Variants in GRIK1 observed in about 807,000 individuals in gnomAD.
GRIK1 encodes glutamate ionotropic receptor kainate type subunit 1, also known as glutamate receptor ionotropic, kainate 1.
Under a neutral mutation model 105.7 loss-of-function variants are expected in GRIK1, and 69 were observed. The ratio of observed to expected loss-of-function variants is 0.65; its 90% confidence interval spans 0.54 to 0.80. The LOEUF is 0.80. Ranked by LOEUF, GRIK1 falls within the 30% of genes least tolerant of loss-of-function variation. The probability of loss-of-function intolerance (pLI) is 0.00; values close to 1 mark genes in which losing one functional copy is unlikely to be tolerated. For missense variants in GRIK1, 1,109 were observed against 1,167.3 expected, an observed-to-expected ratio of 0.95 and a Z score of 0.73; for synonymous variants, 438 against 431.3, an observed-to-expected ratio of 1.02 and a Z score of -0.19.
chr21:29,824,246 T>C (rs990449016), intron 1 of GRIK1, among the ~76,000 whole-genome samples: 2 of 152,074 alleles, frequency 1.3e-5, no homozygotes, highest in Admixed American at 6.6e-5. Context: ...TATATACTTT[T>C]ATTCCAAAGT....
intron 1 of GRIK1, among the ~76,000 whole-genome samples, 164 bp downstream of exon 1, chr21:29,939,219 C>T (rs2071883311): frequency 6.6e-6 from 1 of 152,198 alleles, no homozygotes. Flanking sequence ...GAAGCAGTGA[C>T]GCGGCTCCCC....
chr21:29,729,177 G>A (rs1057423581), intron 1 of GRIK1, among the ~76,000 whole-genome samples: 1 of 152,188 alleles, frequency 6.6e-6, no homozygotes, highest in African/African-American at 2.4e-5. Flanking sequence ...TGGGCTTCAA[G>A]TCCTTTCCAG....
chr21:29,905,891 G>A (rs964956440), intron 1 of GRIK1, among the ~76,000 whole-genome samples: 13 of 152,088 alleles, frequency 8.5e-5, no homozygotes, highest in Non-Finnish European at 8.8e-5. Context: ...GCCTCCCAAA[G>A]TGCTGGGATT....
At chr21:29,799,690 C>T (rs2066651513) in intron 1 of GRIK1, among the ~76,000 whole-genome samples, 1 of 152,032 alleles carries the variant, frequency 6.6e-6, no homozygotes, top group Non-Finnish European at 1.5e-5. Context: ...CCACCATGCC[C>T]GACTAATTTT....
intron 1 of GRIK1, among the ~76,000 whole-genome samples, chr21:29,730,431 A>G (rs2146894672): frequency 6.6e-6 from 1 of 152,320 alleles, no homozygotes; most frequent in Admixed American, 6.5e-5. Flanking sequence ...TATGTGTCTC[A>G]ATATTCTGAA....
rs145592336 is a variant in GRIK1 at position 29,862,316 on chromosome 21, C to A, written c.118+77067G>T. 7.7e-3 allele frequency among the ~76,000 whole-genome samples: 1,167 copies of A among 152,246 alleles called. 12 individuals are homozygous for A. The highest frequency in any genetic ancestry group is 0.027 in the African/African-American group (1,111 of 41,550). On this transcript the variant is annotated intron_variant, in intron 1 of 17. Transcript: ENST00000327783. ...TATTTTTATATGAAAATATTTTCTT[C>A]ATCTTTTTTCCTCCACCAAATTCTT...
At chr21:29,639,801 G>A (rs531723753) in intron 7 of GRIK1, among the ~76,000 whole-genome samples, 1 of 152,316 alleles carries the variant, frequency 6.6e-6, no homozygotes, top group South Asian at 2.1e-4. Flanking sequence ...TTCCAGTAAT[G>A]CTTGTTGAGT....
intron 1 of GRIK1, among the ~76,000 whole-genome samples, chr21:29,878,363 T>C (rs1239152179): frequency 2.0e-5 from 3 of 152,022 alleles, no homozygotes; most frequent in Non-Finnish European, 2.9e-5. Context: ...GAGACAAGAA[T>C]GTAAAGGAGG....
chr21:29,900,985 C>G (rs554370001), intron 1 of GRIK1, among the ~76,000 whole-genome samples: 2 of 152,282 alleles, frequency 1.3e-5, no homozygotes, highest in Admixed American at 1.3e-4. Flanking sequence ...TTAAGAAACT[C>G]ACTCAAAACC....
intron 6 of GRIK1, among the ~76,000 whole-genome samples, chr21:29,645,122 C>A (rs894014925): frequency 6.6e-6 from 1 of 152,172 alleles, no homozygotes. Context: ...GTGCCAGGCA[C>A]TATAAGCATT....
At chr21:29,655,127 G>C (rs1601383346) in intron 4 of GRIK1, among the ~76,000 whole-genome samples, 1 of 152,302 alleles carries the variant, frequency 6.6e-6, no homozygotes, top group Non-Finnish European at 1.5e-5. Context: ...AAATAGTTTG[G>C]GCCAGGTGCA....
intron 1 of GRIK1, among the ~76,000 whole-genome samples, chr21:29,785,561 CAAAAAAAA>C (rs950219193): frequency 3.4e-5 from 2 of 58,022 alleles, no homozygotes; most frequent in East Asian, 5.1e-4. Context: ...GAGACTGTCT[CAAAAAAAA>C]AAAAAAAAAA....
At chr21:29,672,916 A>T in intron 4 of GRIK1, 67 bp downstream of exon 4, 1 of 1,139,904 alleles carries the variant, frequency 8.8e-7, no homozygotes, top group East Asian at 2.4e-5. Context: ...TGAAAACTAG[A>T]TGGCATTTTT....
chr21:29,601,266 A>C, intron 7 of GRIK1: 1 of 498,262 alleles, frequency 2.0e-6, no homozygotes. Flanking sequence ...TGAGAACAGG[A>C]GATTACATCA....
At position 29,537,185 on chromosome 21, in the gene GRIK1, C is replaced by G. The variant is rs1431428925; in HGVS notation, c.*45G>C. 7.0e-7 allele frequency: 1 copy of G among 1,436,746 alleles called. No individual in the cohort carries two copies. Among genetic ancestry groups the G allele is most frequent in the African/African-American group, 1.4e-5 (1 of 69,140 alleles). The allele number at this position is 1,436,746 out of a possible 1,614,324, so 89.0% of individuals were successfully genotyped here. The stretch of plus-strand genomic sequence containing the variant: ...CCTCAGAAATCCTTTCTCCAAAAAT[C>G]TGTAGGGAATGCATCCTTTTTCTTC... On this transcript the variant is annotated 3_prime_UTR_variant, in exon 18 of 18. Coordinates refer to ENST00000327783, the MANE Select transcript of GRIK1 (RefSeq NM_001330994.2).
intron 1 of GRIK1, among the ~76,000 whole-genome samples, chr21:29,882,899 C>T (rs2069474894): frequency 6.6e-6 from 1 of 152,056 alleles, no homozygotes; most frequent in South Asian, 2.1e-4. Flanking sequence ...TATTTTTATA[C>T]TAATAACCAG....
intron 4 of GRIK1, among the ~76,000 whole-genome samples, chr21:29,672,662 AAGAG>A (rs72451934): frequency 3.4e-5 from 5 of 146,098 alleles, no homozygotes; most frequent in Middle Eastern, 3.2e-3. Flanking sequence ...CAAGAGACAT[AAGAG>A]AGAGAGAGAG....
At position 29,760,370 on chromosome 21, in the gene GRIK1, A is replaced by G. The variant is rs535267240; in HGVS notation, c.119-66307T>C. ...AAGGGGACCTCATTGCACATCAGAC[A>G]CAAAGTGTGACTCAGGCATGTGCCT... is the stretch of plus-strand genomic sequence containing the variant. On this transcript the variant is annotated intron_variant, in intron 1 of 17. Transcript: ENST00000327783. 3 of 152,406 alleles carry G rather than the reference A, an allele frequency of 2.0e-5. No homozygotes were observed. In the East Asian group the frequency reaches 5.8e-4, roughly 29 times the overall value. The allele number at this position is 152,406 out of a possible 1,614,324, so 9.4% of individuals were successfully genotyped here. A position where few individuals can be genotyped will look rare whatever the true frequency, so the allele number is the denominator to read the frequency against.
intron 1 of GRIK1, among the ~76,000 whole-genome samples, chr21:29,713,809 C>T (rs1249375203): frequency 6.6e-6 from 1 of 152,158 alleles, no homozygotes; most frequent in Non-Finnish European, 1.5e-5. Flanking sequence ...TCTGGAAATA[C>T]AGCTGAACTT....
Sources: allele counts gnomAD v4.1 joint callset (sites outside exome capture counted in the v4.1 genomes callset), GRCh38; gene constraint gnomAD v4.1.1; transcripts MANE v1.5; gene names NCBI Gene and HGNC (gene_info 2026-07-23, HGNC 2026-07-21).